Variants in CNOT6L observed in about 807,000 individuals in gnomAD.
CNOT6L encodes the protein CCR4-NOT transcription complex subunit 6-like.
Under a neutral mutation model 64.0 loss-of-function variants are expected in CNOT6L, and 7 were observed. The observed-to-expected ratio is 0.11, with a 90% CI of 0.06 to 0.21. The LOEUF is 0.21. CNOT6L is among the 10% of genes least tolerant of loss of function. The pLI, the probability that CNOT6L is intolerant of heterozygous loss-of-function variation, is 1.00. For synonymous variants in CNOT6L, 193 were observed against 243.4 expected, an observed-to-expected ratio of 0.79 and a Z score of 1.93; for missense variants, 245 against 669.0, an observed-to-expected ratio of 0.37 and a Z score of 6.99.
chr4:77,797,114 A>AAAAAAC (rs1560431711), intron 1 of CNOT6L, among the ~76,000 whole-genome samples: 2 of 150,568 alleles, frequency 1.3e-5, no homozygotes, highest in Non-Finnish European at 3.0e-5. Context: ...AAAAAAAAAA[A>AAAAAAC]AAAAAAAAAA....
chr4:77,807,678 T>A (rs1178150684), intron 1 of CNOT6L, among the ~76,000 whole-genome samples: 1 of 151,780 alleles, frequency 6.6e-6, no homozygotes, highest in South Asian at 2.1e-4. Context: ...TGAGAGAGAG[T>A]AGTAACAAAT....
intron 1 of CNOT6L, among the ~76,000 whole-genome samples, chr4:77,779,071 A>G (rs1341868312): frequency 9.4e-6 from 1 of 106,928 alleles, no homozygotes; most frequent in South Asian, 2.9e-4. Context: ...AACAAAAAAA[A>G]AACACAAAAA....
At chr4:77,807,737 C>T (rs1010385196) in intron 1 of CNOT6L, among the ~76,000 whole-genome samples, 3 of 152,146 alleles carry the variant, frequency 2.0e-5, no homozygotes, top group Non-Finnish European at 4.4e-5. Flanking sequence ...GGGCCTTACA[C>T]ATAATGCTAA....
At chr4:77,737,887 T>C (rs72864920) in intron 8 of CNOT6L, among the ~76,000 whole-genome samples, 1,529 of 152,064 alleles carry the variant, frequency 0.01, 25 homozygotes, top group African/African-American at 0.035. Flanking sequence ...AGAGTACAGA[T>C]CAAAATCTCA....
At chr4:77,783,622 G>A (rs760185443) in intron 1 of CNOT6L, among the ~76,000 whole-genome samples, 5 of 152,168 alleles carry the variant, frequency 3.3e-5, no homozygotes, top group Non-Finnish European at 7.4e-5. Context: ...AATAGGTGGA[G>A]AGAACAGAGT....
chr4:77,736,034 G>T, intron 8 of CNOT6L, among the ~76,000 whole-genome samples: 1 of 152,002 alleles, frequency 6.6e-6, no homozygotes, highest in Non-Finnish European at 1.5e-5. Flanking sequence ...CCATACTTTT[G>T]ACTTTTAAAA....
chr4:77,778,801 T>C (rs1306573868), intron 1 of CNOT6L, among the ~76,000 whole-genome samples: 1 of 150,890 alleles, frequency 6.6e-6, no homozygotes, highest in Non-Finnish European at 1.5e-5. Context: ...TCCTAGCACT[T>C]TGGGAGGCCG....
At chr4:77,813,984 A>C (rs577290507) in intron 1 of CNOT6L, among the ~76,000 whole-genome samples, 36 of 152,330 alleles carry the variant, frequency 2.4e-4, no homozygotes, top group African/African-American at 8.4e-4. Flanking sequence ...ATAGCCAAAA[A>C]GTCTATGTCC....
At chr4:77,798,181 G>T (rs1395487598) in intron 1 of CNOT6L, among the ~76,000 whole-genome samples, 1 of 152,090 alleles carries the variant, frequency 6.6e-6, no homozygotes, top group Non-Finnish European at 1.5e-5. Context: ...TACAAAATCA[G>T]CCAGGAGCCT....
intron 1 of CNOT6L, among the ~76,000 whole-genome samples, chr4:77,803,672 G>A (rs1731873523): frequency 6.6e-6 from 1 of 152,160 alleles, no homozygotes; most frequent in Non-Finnish European, 1.5e-5. Flanking sequence ...GAGAGGCCGA[G>A]GCAGGTAGAT....
At chr4:77,776,166 C>T (rs1728118774) in intron 2 of CNOT6L, 105 bp downstream of exon 2, 7 of 1,116,960 alleles carry the variant, frequency 6.3e-6, no homozygotes, top group Non-Finnish European at 9.0e-6. Flanking sequence ...TGTAGTTTTT[C>T]AATGAGTCCA....
chr4:77,780,478 T>C (rs1021286055), intron 1 of CNOT6L, among the ~76,000 whole-genome samples: 7 of 152,192 alleles, frequency 4.6e-5, no homozygotes, highest in Non-Finnish European at 1.0e-4. Context: ...TAACTCCATT[T>C]CAACAGTACG....
intron 1 of CNOT6L, among the ~76,000 whole-genome samples, chr4:77,810,289 C>CA (rs1261837379): frequency 6.6e-6 from 1 of 152,008 alleles, no homozygotes; most frequent in Non-Finnish European, 1.5e-5. Flanking sequence ...ATCACCACAT[C>CA]AAAGTGAAAC....
At chr4:77,809,630 A>T (rs933688625) in intron 1 of CNOT6L, among the ~76,000 whole-genome samples, 20 of 152,150 alleles carry the variant, frequency 1.3e-4, no homozygotes, top group African/African-American at 4.3e-4. Flanking sequence ...TATGATCAGA[A>T]AGCAATGGAT....
intron 8 of CNOT6L, among the ~76,000 whole-genome samples, chr4:77,737,238 A>T (rs184050608): frequency 4.3e-4 from 66 of 152,318 alleles, no homozygotes; most frequent in Admixed American, 1.4e-3. Flanking sequence ...TGTTAAAACC[A>T]AACCAAATAG....
chr4:77,716,986 T>C lies in CNOT6L; in HGVS notation c.*3445A>G, dbSNP rs913084551. On this transcript the variant is annotated 3_prime_UTR_variant, in exon 12 of 12. Coordinates refer to ENST00000504123, the MANE Select transcript of CNOT6L (RefSeq NM_144571.3). ...TATTCAAACGAATGTTCACACGCCTTACATCAAAGAAATGAAACAAAAATA... is the reference window on the plus strand; with the variant it reads ...TATTCAAACGAATGTTCACACGCCTCACATCAAAGAAATGAAACAAAAATA... 7.9e-5 allele frequency: 12 copies of C among 152,654 alleles called. No individual in the cohort carries two copies. The East Asian group carries it at 2.3e-3, about 29-fold the overall frequency. The allele number at this position is 152,654 out of a possible 1,614,324, so 9.5% of individuals were successfully genotyped here.
chr4:77,729,967 G>A (rs1388516602), intron 9 of CNOT6L, among the ~76,000 whole-genome samples: 1 of 151,978 alleles, frequency 6.6e-6, no homozygotes, highest in Non-Finnish European at 1.5e-5. Flanking sequence ...ATCAACAAGA[G>A]CTATAATCTA....
intron 4 of CNOT6L, among the ~76,000 whole-genome samples, chr4:77,771,595 A>G (rs1449146925): frequency 6.6e-6 from 1 of 152,218 alleles, no homozygotes; most frequent in Non-Finnish European, 1.5e-5. Flanking sequence ...TTCATATGTG[A>G]TTTAAAAAAT....
At chr4:77,801,357 T>G (rs1731527108) in intron 1 of CNOT6L, among the ~76,000 whole-genome samples, 1 of 152,174 alleles carries the variant, frequency 6.6e-6, no homozygotes, top group African/African-American at 2.4e-5. Context: ...AATCCTGCAC[T>G]CACAACGCCA....
Sources: gnomAD v4.1 joint callset for allele counts (sites outside exome capture counted in the v4.1 genomes callset) on GRCh38, gnomAD v4.1.1 for gene constraint, MANE v1.5 for transcripts, NCBI Gene and HGNC (gene_info 2026-07-23, HGNC 2026-07-21) for gene names.